The following EPB41L2 variants were observed in gnomAD, a reference collection of about 807,000 sequenced individuals.
The protein encoded by EPB41L2 is erythrocyte membrane protein band 4.1 like 2.
EPB41L2 carries 43 observed loss-of-function variants against 113.0 expected under a neutral mutation model. That is an observed-to-expected ratio of 0.38 (90% CI 0.30 to 0.49). The LOEUF is 0.49. EPB41L2 is among the 20% of genes least tolerant of loss of function. The pLI, the probability that EPB41L2 is intolerant of heterozygous loss-of-function variation, is 0.95. For missense variants in EPB41L2, 1,147 were observed against 1,223.4 expected, an observed-to-expected ratio of 0.94 and a Z score of 0.93; for synonymous variants, 442 against 436.7, an observed-to-expected ratio of 1.01 and a Z score of -0.15.
intron 19 of EPB41L2, among the ~76,000 whole-genome samples, chr6:130,848,197 TCTCACACACACACACACACA>T (rs1273362829): frequency 6.3e-5 from 8 of 127,750 alleles, no homozygotes; most frequent in African/African-American, 2.3e-4. Context: ...TCTCTCTCTC[TCTCACACACACACACACACA>T]CACACACACA....
chr6:131,015,052 G>A (rs1787883160), intron 1 of EPB41L2, among the ~76,000 whole-genome samples: 1 of 152,212 alleles, frequency 6.6e-6, no homozygotes, highest in Non-Finnish European at 1.5e-5. Context: ...AAACTGCACA[G>A]TGGAGCAGGA....
At chr6:130,951,094 C>CA (rs1367505369) in intron 3 of EPB41L2, among the ~76,000 whole-genome samples, 3 of 151,330 alleles carry the variant, frequency 2.0e-5, no homozygotes, top group Non-Finnish European at 4.4e-5. Context: ...CCGTCTCTAC[C>CA]AAAAATACAA....
At chr6:130,941,444 C>G (rs576174159) in intron 3 of EPB41L2, among the ~76,000 whole-genome samples, 1 of 152,268 alleles carries the variant, frequency 6.6e-6, no homozygotes, top group South Asian at 2.1e-4. Flanking sequence ...ATAAAAGTTG[C>G]TAAGCACCAT....
chr6:131,019,751 A>G (rs1158001241), intron 1 of EPB41L2, among the ~76,000 whole-genome samples: 1 of 152,130 alleles, frequency 6.6e-6, no homozygotes. Flanking sequence ...TACTATGTAT[A>G]ATAGATTTTT....
chr6:130,962,769 A>AAATTTTGT (rs1773916387), intron 1 of EPB41L2, among the ~76,000 whole-genome samples: 2 of 152,264 alleles, frequency 1.3e-5, no homozygotes, highest in South Asian at 4.2e-4. Flanking sequence ...AATAGAACCT[A>AAATTTTGT]AATTTTGTTC....
At chr6:130,860,906 T>C (rs6569709) in intron 18 of EPB41L2, among the ~76,000 whole-genome samples, 117,051 of 152,000 alleles carry the variant, frequency 0.77, 45,630 homozygotes, top group East Asian at 1. Flanking sequence ...GTATTTTACC[T>C]CTCCTTGGTA....
At chr6:130,904,426 G>A (rs1315982148) in intron 6 of EPB41L2, 39 bp downstream of exon 6, 6 of 1,402,000 alleles carry the variant, frequency 4.3e-6, no homozygotes, top group South Asian at 1.3e-5. Flanking sequence ...AACGAGAGCT[G>A]TAAGGAAAGG....
In EPB41L2 at chr6:130,858,118, A is replaced by T; in HGVS notation, c.*5+13T>A. ...GTCACTAGAAAGGCCACAGACAATG[A>T]GGGCTCTCTTACCTTACTTAATCTT... On this transcript the variant is annotated intron_variant, in intron 19 of 19. Transcript: ENST00000337057. The T allele has an allele frequency of 6.3e-7, 1 of 1,595,982 alleles. No homozygotes were observed. Among genetic ancestry groups the T allele is most frequent in the Non-Finnish European group, 8.6e-7 (1 of 1,163,794 alleles).
chr6:131,009,119 T>C (rs1053318645), intron 1 of EPB41L2, among the ~76,000 whole-genome samples: 8 of 152,200 alleles, frequency 5.3e-5, no homozygotes, highest in African/African-American at 1.4e-4. Flanking sequence ...CCTTGAATTG[T>C]AATAATCCCT....
chr6:130,861,253 T>C (rs1354523762), intron 18 of EPB41L2, among the ~76,000 whole-genome samples: 1 of 151,934 alleles, frequency 6.6e-6, no homozygotes, highest in Non-Finnish European at 1.5e-5. Flanking sequence ...TTTGTATTTT[T>C]AGTAGAGACA....
At chr6:130,863,980 T>C (rs1447200882) in intron 17 of EPB41L2, among the ~76,000 whole-genome samples, 2 of 152,220 alleles carry the variant, frequency 1.3e-5, no homozygotes, top group Non-Finnish European at 1.5e-5. Flanking sequence ...ATATTCAAGA[T>C]GGCATCTGTC....
intron 3 of EPB41L2, among the ~76,000 whole-genome samples, chr6:130,930,410 G>C (rs1806425738): frequency 6.6e-6 from 1 of 152,130 alleles, no homozygotes; most frequent in African/African-American, 2.4e-5. Context: ...TATGCTCAAA[G>C]AAAATGCTCA....
At chr6:130,981,204 T>C (rs1779313977) in intron 1 of EPB41L2, among the ~76,000 whole-genome samples, 1 of 152,180 alleles carries the variant, frequency 6.6e-6, no homozygotes, top group Admixed American at 6.5e-5. Flanking sequence ...GATTTGTAAA[T>C]CAATATCTAT....
intron 1 of EPB41L2, among the ~76,000 whole-genome samples, chr6:131,020,457 ATCTGCAAG>A (rs1789197889): frequency 6.6e-6 from 1 of 152,194 alleles, no homozygotes; most frequent in African/African-American, 2.4e-5. Flanking sequence ...GTTCTAAATC[ATCTGCAAG>A]TCTACCTTTT....
intron 19 of EPB41L2, among the ~76,000 whole-genome samples, chr6:130,845,560 T>C (rs1247021190): frequency 2.6e-5 from 4 of 152,164 alleles, no homozygotes; most frequent in African/African-American, 7.2e-5. Flanking sequence ...AAAAAGTTTT[T>C]TGTGGACACA....
At chr6:131,046,073 A>G (rs1047510539) in intron 1 of EPB41L2, among the ~76,000 whole-genome samples, 3 of 139,470 alleles carry the variant, frequency 2.2e-5, no homozygotes, top group African/African-American at 5.2e-5. Context: ...CAGTCTCCGA[A>G]GCTAATTTTT....
At chr6:130,877,088 T>C (rs544798326) in intron 14 of EPB41L2, among the ~76,000 whole-genome samples, 4 of 152,330 alleles carry the variant, frequency 2.6e-5, no homozygotes, top group Non-Finnish European at 5.9e-5. Flanking sequence ...TGTGTTTCAG[T>C]TCAGCAATTC....
intron 14 of EPB41L2, among the ~76,000 whole-genome samples, chr6:130,875,137 T>TC (rs1471147403): frequency 6.6e-6 from 1 of 152,184 alleles, no homozygotes; most frequent in African/African-American, 2.4e-5. Flanking sequence ...ACTCCTTATT[T>TC]CTACTTATTT....
rs72983784 is a variant in EPB41L2, at chr6:130,956,280, G to C, written c.206C>G (p.Ser69Trp). The C allele has an allele frequency of 1.8e-4, 298 of 1,614,026 alleles. No homozygotes were observed. Among genetic ancestry groups the C allele is most frequent in the Non-Finnish European group, 2.5e-4 (291 of 1,179,998 alleles). The change falls in exon 2 of 20, where the codon TCG (serine) becomes TGG (tryptophan). Residue 69 changes from serine (S) to tryptophan (W), a missense_variant. Coordinates refer to ENST00000337057, the MANE Select transcript of EPB41L2 (RefSeq NM_001431.4). ...LRRQKREKETSESRGISRFIP... is the reference protein window; with the variant it reads ...LRRQKREKETWESRGISRFIP... ...GAACCGAGAAATACCCCTGCTCTCC[G>C]ATGTTTCCTTCTCTCTCTTCTGGCG...
Sources: gnomAD v4.1 joint callset for allele counts (sites outside exome capture counted in the v4.1 genomes callset) on GRCh38, gnomAD v4.1.1 for gene constraint, MANE v1.5 for transcripts, NCBI Gene and HGNC (gene_info 2026-07-23, HGNC 2026-07-21) for gene names.